Variants in KLHL40 observed in about 807,000 individuals in gnomAD.
KLHL40 encodes the protein kelch-like protein 40.
KLHL40 carries 44 observed loss-of-function variants against 49.7 expected under a neutral mutation model. The ratio of observed to expected loss-of-function variants is 0.89; its 90% CI spans 0.70 to 1.14. The LOEUF is 1.14. KLHL40 is among the 50% of genes most tolerant of loss of function. KLHL40 has a pLI of 0.00. For synonymous variants in KLHL40, 409 were observed against 365.2 expected, an observed-to-expected ratio of 1.12 and a Z score of -1.37; for missense variants, 892 against 850.3, an observed-to-expected ratio of 1.05 and a Z score of -0.61.
In KLHL40 at chr3:42,685,857, A is replaced by C; in HGVS notation, c.239A>C (p.Asp80Ala). ...GELHLEEVSP[D>A]VVAQVLHYLY... The stretch of plus-strand genomic sequence containing the variant: ...CTGCACCTGGAGGAGGTGTCCCCGG[A>C]CGTGGTGGCCCAGGTGCTGCACTAC... Residue 80 changes from aspartate (D) to alanine (A), a missense_variant, in exon 1 of 6, where the codon GAC becomes GCC. By Grantham distance (126) the Asp-to-Ala change is moderately radical (BLOSUM62 -2). Coordinates refer to ENST00000287777, the MANE Select transcript of KLHL40 (RefSeq NM_152393.4). 1.9e-6 allele frequency: 3 copies of C among 1,613,200 alleles called. No homozygotes were observed. The highest frequency in any genetic ancestry group is 3.3e-4 in the Middle Eastern group (2 of 6,062).
chr3:42,690,107 G>A (rs569162662), intron 4 of KLHL40, among the ~76,000 whole-genome samples: 110 of 152,290 alleles, frequency 7.2e-4, no homozygotes, highest in African/African-American at 2.4e-3. Flanking sequence ...GTGTCCAAAA[G>A]GACCCCACCC....
rs150916609 is a variant in KLHL40 at position 42,685,844 on chromosome 3, G to C, written c.226G>C (p.Glu76Gln). 3 of 1,613,220 alleles carry C rather than the reference G, an allele frequency of 1.9e-6. No homozygotes were observed. Among genetic ancestry groups the C allele is most frequent in the Non-Finnish European group, 2.5e-6 (3 of 1,179,960 alleles). The change falls in exon 1 of 6, where the codon GAG becomes CAG. Residue 76 changes from glutamate (E) to glutamine (Q), a missense_variant. Physicochemically the swap from Glu to Gln is conservative, Grantham distance 29 (BLOSUM62 2). Coordinates refer to ENST00000287777, the MANE Select transcript of KLHL40 (RefSeq NM_152393.4). ...GCGCGCGGGCGAGCTGCACCTGGAGGAGGTGTCCCCGGACGTGGTGGCCCA... is the reference window on the plus strand; with the variant it reads ...GCGCGCGGGCGAGCTGCACCTGGAGCAGGTGTCCCCGGACGTGGTGGCCCA... ...PERAGELHLE[E>Q]VSPDVVAQVL...
rs751129920 is a variant in KLHL40 at position 42,688,640 on chromosome 3, G to A, written c.1344G>A (p.Leu448=). The change falls in exon 3 of 6, where the codon CTG becomes CTA. Residue 448 remains leucine, a synonymous_variant. Transcript: ENST00000287777. This position sits in a 1 kb window ranked among gnomAD's most constrained non-coding sequence, Gnocchi z 4.2. ...LSFKWGESDP[L]PYVVYGHTVL... ...TCAAATGGGGTGAATCGGACCCGCT[G>A]CCTTACGTGGTGTATGGCCACACAG... The A allele has an allele frequency of 6.2e-7, 1 of 1,613,974 alleles. No homozygotes were observed. The highest frequency in any genetic ancestry group is 8.5e-7 in the Non-Finnish European group (1 of 1,180,000).
chr3:42,686,072 G>C lies in KLHL40; in HGVS notation c.454G>C (p.Ala152Pro). The C allele has an allele frequency of 6.2e-7, 1 of 1,604,106 alleles. No homozygotes were observed. Among genetic ancestry groups the C allele is most frequent in the South Asian group, 1.1e-5 (1 of 91,068 alleles). Residue 152 changes from alanine (A) to proline (P), a missense_variant, in exon 1 of 6, where the codon GCC becomes CCC. Coordinates refer to ENST00000287777, the MANE Select transcript of KLHL40 (RefSeq NM_152393.4). The stretch of plus-strand genomic sequence containing the variant: ...CGACTGCGCGCGTCTCGCCGTGGCT[G>C]CCCGCGACTTCATCTGCGCTCACTT... ...LLDCARLAVA[A>P]RDFICAHFTL...
Position 42,688,540 on chromosome 3 carries a change from G to C in KLHL40, c.1314-70G>C, listed in dbSNP as rs188818701. 65 of 1,179,828 alleles carry C rather than the reference G, an allele frequency of 5.5e-5. No homozygotes were observed. Among genetic ancestry groups the C allele is most frequent in the Non-Finnish European group, 4.6e-5 (37 of 796,648 alleles). 73.1% of individuals were successfully genotyped at this position (1,179,828 alleles called of 1,614,324 possible). ...TATGTGTTAGGTGGATGGGCGGATGGGTGCAGAGACAGGGACTGAGCCGAG... is the reference window on the plus strand; with the variant it reads ...TATGTGTTAGGTGGATGGGCGGATGCGTGCAGAGACAGGGACTGAGCCGAG... On this transcript the variant is annotated intron_variant, in intron 2 of 5. Transcript: ENST00000287777. The surrounding 1 kb of genome is among the most constrained non-coding windows in gnomAD (Gnocchi z 4.2).
chr3:42,687,202 G>A (rs1697286851), intron 1 of KLHL40, among the ~76,000 whole-genome samples: 1 of 152,240 alleles, frequency 6.6e-6, no homozygotes, highest in Non-Finnish European at 1.5e-5. Flanking sequence ...TGAGGCCCAG[G>A]AGGTATCAGC....
Position 42,686,341 on chromosome 3 carries a change from C to T in KLHL40, c.723C>T (p.His241=). The stretch of plus-strand genomic sequence containing the variant: ...TTCTGGAAAGCCGCGTGGAGCGCCA[C>T]CCTCTCGTGCGTGCCCAGCCCGAGT... ...RAFLESRVER[H]PLVRAQPELL... The change falls in exon 1 of 6, where the codon CAC becomes CAT. Residue 241 remains histidine, a synonymous_variant. Transcript: ENST00000287777. 6.2e-7 allele frequency: 1 copy of T among 1,612,018 alleles called. No homozygotes were observed. Among genetic ancestry groups the T allele is most frequent in the African/African-American group, 1.3e-5 (1 of 75,002 alleles).
rs140068240 is a variant in KLHL40 at position 42,687,288 on chromosome 3, C to T, written c.1152+518C>T. 6.9e-4 allele frequency among the ~76,000 whole-genome samples: 105 copies of T among 152,256 alleles called. 1 individual carries two copies. In the East Asian group the frequency reaches 0.01, roughly 15 times the overall value. On this transcript the variant is annotated intron_variant, in intron 1 of 5. Transcript: ENST00000287777. ...GCAGAGACAGTTTCCTGGAGACTGGCCATATAAGTTTGAGCCTTGCCAGTG... is the reference window on the plus strand; with the variant it reads ...GCAGAGACAGTTTCCTGGAGACTGGTCATATAAGTTTGAGCCTTGCCAGTG...
rs753021989 is a variant in KLHL40 at position 42,690,981 on chromosome 3, C to A, written c.1730C>A (p.Pro577His). 1.2e-6 allele frequency: 2 copies of A among 1,612,148 alleles called. No individual in the cohort carries two copies. Among genetic ancestry groups the A allele is most frequent in the Non-Finnish European group, 1.7e-6 (2 of 1,178,982 alleles). Residue 577 changes from proline (P) to histidine (H), a missense_variant, in exon 5 of 6, where the codon CCC (proline) becomes CAC (histidine). By Grantham distance (77) the Pro-to-His change is moderately conservative. Coordinates refer to ENST00000287777, the MANE Select transcript of KLHL40 (RefSeq NM_152393.4). ...GAGACGGAGTCTGGAGAGCTGGTTC[C>A]CACAGAGCTCAATGACATCTGGAGG... is the stretch of plus-strand genomic sequence containing the variant. ...TLETESGELV[P>H]TELNDIWRYN...
rs1697313659 is a variant in KLHL40 at position 42,688,670 on chromosome 3, C to G, written c.1374C>G (p.Leu458=). Residue 458 remains leucine (L), a synonymous_variant, in exon 3 of 6, where the codon CTC becomes CTG. Transcript: ENST00000287777. This position sits in a 1 kb window ranked among gnomAD's most constrained non-coding sequence, Gnocchi z 4.2. ...ACGTGGTGTATGGCCACACAGTGCT[C>G]TCCCACATGGACCTTGTCTACGTAA... ...LPYVVYGHTV[L]SHMDLVYVIG... is the part of the protein sequence containing the mutation. The G allele has an allele frequency of 6.2e-7, 1 of 1,614,044 alleles. No individual in the cohort carries two copies. The highest frequency in any genetic ancestry group is 8.5e-7 in the Non-Finnish European group (1 of 1,180,014).
intron 4 of KLHL40, 109 bp from the exon 5 acceptor site, chr3:42,690,750 G>A: frequency 8.2e-7 from 1 of 1,223,850 alleles, no homozygotes; most frequent in Non-Finnish European, 1.1e-6. Context: ...TGGGTGCCTG[G>A]GACTTGGATT....
chr3:42,687,368 G>A (rs989420078), intron 1 of KLHL40, among the ~76,000 whole-genome samples: 5 of 152,172 alleles, frequency 3.3e-5, no homozygotes, highest in Admixed American at 6.5e-5. Context: ...GCCAAGGAAC[G>A]GTAAGCAAGG....
Position 42,692,209 on chromosome 3 carries a change from C to T in KLHL40, c.*216C>T. On this transcript the variant is annotated 3_prime_UTR_variant, in exon 6 of 6. Coordinates refer to ENST00000287777, the MANE Select transcript of KLHL40 (RefSeq NM_152393.4). ...AAACTAGAGGCTTCTCCAGTGTTGC[C>T]ATATCCCCCTAGGTTGTCTTGATCC... The T allele has an allele frequency of 3.6e-6, 2 of 555,506 alleles. No homozygotes were observed. Among genetic ancestry groups the T allele is most frequent in the South Asian group, 4.7e-5 (2 of 42,770 alleles). 34.4% of individuals were successfully genotyped at this position (555,506 alleles called of 1,614,324 possible). A position where few individuals can be genotyped will look rare whatever the true frequency, so the allele number is the denominator to read the frequency against.
chr3:42,692,112 G>T lies in KLHL40; in HGVS notation c.*119G>T. 1.5e-6 allele frequency: 1 copy of T among 673,636 alleles called. No individual in the cohort carries two copies. 41.7% of individuals were successfully genotyped at this position (673,636 alleles called of 1,614,324 possible). A position where few individuals can be genotyped will look rare whatever the true frequency, so the allele number is the denominator to read the frequency against. ...CCAGAGTCTACCTGGATCCAGTTAT[G>T]GTGCCTCAGGGGCTGCGTCAGCCAA... is the stretch of plus-strand genomic sequence containing the variant. On this transcript the variant is annotated 3_prime_UTR_variant, in exon 6 of 6. Coordinates refer to ENST00000287777, the MANE Select transcript of KLHL40 (RefSeq NM_152393.4).
In KLHL40 at chr3:42,686,555, G is replaced by C; in HGVS notation, c.937G>C (p.Gly313Arg). 6.2e-7 allele frequency: 1 copy of C among 1,614,142 alleles called. No homozygotes were observed. The highest frequency in any genetic ancestry group is 8.5e-7 in the Non-Finnish European group (1 of 1,180,030). Residue 313 changes from glycine to arginine, a missense_variant, in exon 1 of 6, where the codon GGC becomes CGC. Coordinates refer to ENST00000287777, the MANE Select transcript of KLHL40 (RefSeq NM_152393.4). ...GATCCTCAATGACACCCTGCGCTTC[G>C]GCATGTTCCTGCAGGATCTCATCTT... ...PGILNDTLRF[G>R]MFLQDLIFMI...
Position 42,686,053 on chromosome 3 carries a change from C to A in KLHL40, c.435C>A (p.Cys145Ter). Residue 145 changes from cysteine to a stop codon, truncating the protein, a stop_gained, in exon 1 of 6, where the codon TGC (cysteine) becomes TGA (stop). Coordinates refer to ENST00000287777, the MANE Select transcript of KLHL40 (RefSeq NM_152393.4). LOFTEE classifies it high-confidence loss of function. Reference sequence around the variant, plus strand: ...TCCGTCTCGGCCTCCTGCTCGACTGCGCGCGTCTCGCCGTGGCTGCCCGCG... The same window carrying A: ...TCCGTCTCGGCCTCCTGCTCGACTGAGCGCGTCTCGCCGTGGCTGCCCGCG... ...AVFRLGLLLD[C>*]ARLAVAARDF... 1.9e-6 allele frequency: 3 copies of A among 1,606,382 alleles called. No homozygotes were observed. Among genetic ancestry groups the A allele is most frequent in the Non-Finnish European group, 2.5e-6 (3 of 1,179,932 alleles).
At position 42,688,573 on chromosome 3, in the gene KLHL40, G is replaced by A. The variant is rs1332856092; in HGVS notation, c.1314-37G>A. 1.3e-6 allele frequency: 2 copies of A among 1,493,572 alleles called. No individual in the cohort carries two copies. Among genetic ancestry groups the A allele is most frequent in the African/African-American group, 1.4e-5 (1 of 72,528 alleles). The allele number at this position is 1,493,572 out of a possible 1,614,324, so 92.5% of individuals were successfully genotyped here. ...GACAGGGACTGAGCCGAGCCTGGATGGGTGCCCTCCCCCACCCCCACTCCC... is the reference window on the plus strand; with the variant it reads ...GACAGGGACTGAGCCGAGCCTGGATAGGTGCCCTCCCCCACCCCCACTCCC... On this transcript the variant is annotated intron_variant, in intron 2 of 5. Coordinates refer to ENST00000287777, the MANE Select transcript of KLHL40 (RefSeq NM_152393.4). This position sits in a 1 kb window ranked among gnomAD's most constrained non-coding sequence, Gnocchi z 4.2.
intron 4 of KLHL40, among the ~76,000 whole-genome samples, chr3:42,689,592 G>A (rs1236822477): frequency 6.6e-6 from 1 of 152,108 alleles, no homozygotes; most frequent in East Asian, 1.9e-4. Flanking sequence ...GCCAGCAGGA[G>A]AGGGACTGTA....
At position 42,690,305 on chromosome 3, in the gene KLHL40, G is replaced by A. The variant is rs545413140; in HGVS notation, c.1608-554G>A. Among the ~76,000 whole-genome samples the A allele has an allele frequency of 2.4e-4, 37 of 152,330 alleles. No individual in the cohort carries two copies. The South Asian group carries it at 3.3e-3, about 14-fold the overall frequency. ...CGAAGAGATGGGTGAGGAAAGTCAC[G>A]TCAGCAGGGCTGTGTGCTGTAGGAC... On this transcript the variant is annotated intron_variant, in intron 4 of 5. Coordinates refer to ENST00000287777, the MANE Select transcript of KLHL40 (RefSeq NM_152393.4).
Sources: allele counts gnomAD v4.1 joint callset (sites outside exome capture counted in the v4.1 genomes callset), GRCh38; gene constraint gnomAD v4.1.1; non-coding constraint Gnocchi (gnomAD v3.1); transcripts MANE v1.5; gene names NCBI Gene and HGNC (gene_info 2026-07-23, HGNC 2026-07-21).